The following NRXN1 variants were observed in gnomAD, a reference collection of about 807,000 sequenced individuals.
NRXN1 encodes neurexin 1.
A neutral mutation model predicts 150.9 loss-of-function variants in NRXN1; 39 were observed. The ratio of observed to expected loss-of-function variants is 0.26; its 90% CI spans 0.20 to 0.34. The LOEUF is 0.34. Among genes scored for constraint, NRXN1 ranks in the 10% least tolerant of loss-of-function variants. The probability of loss-of-function intolerance (pLI) is 1.00; values close to 1 mark genes in which losing one functional copy is unlikely to be tolerated. For synonymous variants in NRXN1, 924 were observed against 757.0 expected, an observed-to-expected ratio of 1.22 and a Z score of -3.62; for missense variants, 1,815 against 1,949.9, an observed-to-expected ratio of 0.93 and a Z score of 1.30.
At chr2:50,688,824 C>T (rs1434219686) in intron 5 of NRXN1, among the ~76,000 whole-genome samples, 5 of 152,152 alleles carry the variant, frequency 3.3e-5, no homozygotes, top group Non-Finnish European at 5.9e-5. Flanking sequence ...CCAAAATCTT[C>T]AGGGCCACCA....
chr2:51,017,433 T>G (rs1185475411), intron 2 of NRXN1, among the ~76,000 whole-genome samples: 2 of 141,080 alleles, frequency 1.4e-5, no homozygotes, highest in South Asian at 2.3e-4. Context: ...ACTCCTGGGA[T>G]CAAGCAATCT....
chr2:49,995,492 G>A (rs1383276886), intron 21 of NRXN1, among the ~76,000 whole-genome samples: 1 of 152,036 alleles, frequency 6.6e-6, no homozygotes, highest in Non-Finnish European at 1.5e-5. Context: ...CTTAAAGATA[G>A]GAAAAGAGGC....
chr2:50,825,335 C>A (rs544974574), intron 5 of NRXN1, among the ~76,000 whole-genome samples: 1 of 152,282 alleles, frequency 6.6e-6, no homozygotes, highest in East Asian at 1.9e-4. Context: ...CTGGCAGCCT[C>A]TAGATAGCTT....
chr2:50,424,389 G>A (rs539307442), intron 17 of NRXN1, among the ~76,000 whole-genome samples: 1 of 151,402 alleles, frequency 6.6e-6, no homozygotes, highest in South Asian at 2.1e-4. Flanking sequence ...TTTAAGAGGA[G>A]AAATGTTTGC....
chr2:50,024,179 T>A (rs1276497547), intron 21 of NRXN1: 1 of 152,172 alleles, frequency 6.6e-6, no homozygotes, highest in East Asian at 1.9e-4. Context: ...TGGCTTAATA[T>A]AGGTACATAT....
At chr2:50,543,682 C>T (rs976053420) in intron 9 of NRXN1, among the ~76,000 whole-genome samples, 10 of 152,108 alleles carry the variant, frequency 6.6e-5, no homozygotes, top group South Asian at 6.2e-4. Flanking sequence ...AAATTTACAA[C>T]GTAGTGAGGT....
intron 5 of NRXN1, among the ~76,000 whole-genome samples, chr2:50,910,159 A>G (rs1244174380): frequency 6.6e-6 from 1 of 152,020 alleles, no homozygotes; most frequent in Non-Finnish European, 1.5e-5. Flanking sequence ...AGCTTTAAAA[A>G]TATGTATACA....
At chr2:50,405,212 G>T (rs532022494) in intron 17 of NRXN1, among the ~76,000 whole-genome samples, 1 of 152,242 alleles carries the variant, frequency 6.6e-6, no homozygotes, top group South Asian at 2.1e-4. Context: ...CTTTCCACTT[G>T]CAGATTGATA....
intron 17 of NRXN1, among the ~76,000 whole-genome samples, chr2:50,426,107 G>A (rs944559949): frequency 6.6e-6 from 1 of 152,172 alleles, no homozygotes; most frequent in Non-Finnish European, 1.5e-5. Flanking sequence ...TGAGTCATGT[G>A]CTTCAAGGTA....
At chr2:50,088,253 G>A (rs1472032544) in intron 19 of NRXN1, among the ~76,000 whole-genome samples, 1 of 152,118 alleles carries the variant, frequency 6.6e-6, no homozygotes, top group Non-Finnish European at 1.5e-5. Flanking sequence ...TGGCACCGTT[G>A]CAGATGAAGT....
At chr2:50,454,190 G>C (rs6736644) in intron 17 of NRXN1, among the ~76,000 whole-genome samples, 11,823 of 152,130 alleles carry the variant, frequency 0.078, 705 homozygotes, top group African/African-American at 0.16. Context: ...GTGGGGCGTA[G>C]TGGCGCATGC....
chr2:50,425,865 G>A (rs574219132), intron 17 of NRXN1, among the ~76,000 whole-genome samples: 36 of 152,116 alleles, frequency 2.4e-4, no homozygotes, highest in African/African-American at 6.3e-4. Flanking sequence ...TCTTTCCTAC[G>A]GGACCTTGAA....
At chr2:49,982,281 T>G (rs779863215) in intron 21 of NRXN1, among the ~76,000 whole-genome samples, 1 of 152,160 alleles carries the variant, frequency 6.6e-6, no homozygotes, top group African/African-American at 2.4e-5. Context: ...TGAATGATGG[T>G]AGAGTTAATT....
intron 5 of NRXN1, among the ~76,000 whole-genome samples, chr2:50,902,816 GTTA>G (rs762949080): frequency 4.6e-5 from 7 of 152,122 alleles, no homozygotes; most frequent in Non-Finnish European, 7.4e-5. Context: ...ATCTCAGATA[GTTA>G]TTATAACAGA....
chr2:50,578,931 G>A (rs1012948639), intron 8 of NRXN1, among the ~76,000 whole-genome samples: 2 of 152,028 alleles, frequency 1.3e-5, no homozygotes, highest in African/African-American at 2.4e-5. Context: ...TCAACACTGA[G>A]GGCATCTGGG....
chr2:50,833,328 G>A (rs576349218), intron 5 of NRXN1, among the ~76,000 whole-genome samples: 1 of 152,190 alleles, frequency 6.6e-6, no homozygotes, highest in Non-Finnish European at 1.5e-5. Flanking sequence ...TCTACTTTTA[G>A]ATGTTTATCC....
At chr2:50,765,641 G>A (rs771564595) in intron 5 of NRXN1, among the ~76,000 whole-genome samples, 10 of 152,080 alleles carry the variant, frequency 6.6e-5, no homozygotes, top group South Asian at 2.1e-4. Flanking sequence ...TCTACATGCC[G>A]CAACATAGTC....
intron 8 of NRXN1, among the ~76,000 whole-genome samples, chr2:50,614,128 AG>A (rs1678646533): frequency 6.6e-6 from 1 of 152,186 alleles, no homozygotes; most frequent in Non-Finnish European, 1.5e-5. Flanking sequence ...GGTACCAACC[AG>A]TATATGGACC....
intron 9 of NRXN1, among the ~76,000 whole-genome samples, chr2:50,541,248 G>T (rs72882080): frequency 0.046 from 6,929 of 152,152 alleles, 184 homozygotes; most frequent in Middle Eastern, 0.12. Context: ...AAAAGCCCTG[G>T]GAAAGGCTGT....
Sources: allele counts gnomAD v4.1 joint callset (sites outside exome capture counted in the v4.1 genomes callset), GRCh38; gene constraint gnomAD v4.1.1; transcripts MANE v1.5; gene names NCBI Gene and HGNC (gene_info 2026-07-23, HGNC 2026-07-21).